Variants in TNRC6A observed in about 807,000 individuals in gnomAD.
TNRC6A encodes trinucleotide repeat containing adaptor 6A.
In TNRC6A, 44 loss-of-function variants were observed where a neutral mutation model predicts 221.2. That is an observed-to-expected ratio of 0.20 (90% confidence interval 0.16 to 0.26). TNRC6A has a LOEUF of 0.26. Ranked by LOEUF, TNRC6A falls within the 10% of genes least tolerant of loss-of-function variation. The probability of loss-of-function intolerance (pLI) is 1.00; values close to 1 mark genes in which losing one functional copy is unlikely to be tolerated. For synonymous variants in TNRC6A, 847 were observed against 838.5 expected (o/e 1.01, Z -0.18); for missense variants, 2,199 against 2,404.4 (o/e 0.91, Z 1.79).
chr16:24,687,224 A>G (rs1299173778), intron 2 of TNRC6A, among the ~76,000 whole-genome samples: 4 of 152,142 alleles, frequency 2.6e-5, no homozygotes, highest in Admixed American at 6.6e-5. Flanking sequence ...AGCTACTTAT[A>G]TAATATCCAT....
intron 1 of TNRC6A, among the ~76,000 whole-genome samples, chr16:24,633,315 T>C (rs1229019268): frequency 1.3e-5 from 2 of 152,220 alleles, no homozygotes; most frequent in Non-Finnish European, 2.9e-5. Flanking sequence ...TAAAGTGCAA[T>C]CTATCACCTT....
At chr16:24,630,818 C>G (rs9931221) in intron 1 of TNRC6A, among the ~76,000 whole-genome samples, 11,716 of 152,232 alleles carry the variant, frequency 0.077, 613 homozygotes, top group Admixed American at 0.16. Flanking sequence ...ACCTAAAACC[C>G]TGGGATTCCC....
rs568839176 is a variant in TNRC6A, at chr16:24,714,348, G to A, written n.403-36378G>A. Reference sequence around the variant, plus strand: ...TTTTGAGATGGAGTCTCACTCTGTCGCCCAGGCTGGAGTGCAGTGGCGCAG... The same window carrying A: ...TTTTGAGATGGAGTCTCACTCTGTCACCCAGGCTGGAGTGCAGTGGCGCAG... On this transcript the variant is annotated intron_variant and non_coding_transcript_variant, in intron 2 of 2. Coordinates refer to the TNRC6A transcript ENST00000566108. Among the ~76,000 whole-genome samples, 202 of 114,588 alleles carry A rather than the reference G, an allele frequency of 1.8e-3. 1 individual carries two copies. Among genetic ancestry groups the A allele is most frequent in the African/African-American group, 4.1e-3 (118 of 28,700 alleles). The allele number at this position is 114,588 out of a possible 152,430, so 75.2% of individuals were successfully genotyped here.
chr16:24,790,307 A>T lies in TNRC6A; in HGVS notation c.1665A>T (p.Val555=). The part of the protein sequence containing the change: ...TVNATLMQPG[V]NGPMGTNFQV... ...ATGCAACTCTAATGCAGCCTGGCGTAAATGGTCCTATGGGCACTAACTTTC... is the reference window on the plus strand; with the variant it reads ...ATGCAACTCTAATGCAGCCTGGCGTTAATGGTCCTATGGGCACTAACTTTC... The change falls in exon 6 of 25, where the codon GTA becomes GTT. Residue 555 remains valine, a synonymous_variant. Coordinates refer to ENST00000395799, the MANE Select transcript of TNRC6A (RefSeq NM_014494.4). 1 of 1,614,242 alleles carries T rather than the reference A, an allele frequency of 6.2e-7. No homozygotes were observed. The highest frequency in any genetic ancestry group is 8.5e-7 in the Non-Finnish European group (1 of 1,180,042).
At chr16:24,724,608 C>T (rs2056462860) in intron 2 of TNRC6A, among the ~76,000 whole-genome samples, 1 of 152,036 alleles carries the variant, frequency 6.6e-6, no homozygotes, top group African/African-American at 2.4e-5. Flanking sequence ...TAGCCAGGTG[C>T]AGTGACTTGC....
At chr16:24,673,550 G>A (rs191764238) in intron 2 of TNRC6A, among the ~76,000 whole-genome samples, 29 of 152,232 alleles carry the variant, frequency 1.9e-4, no homozygotes, top group African/African-American at 7.0e-4. Flanking sequence ...AACTCATTCA[G>A]GAAATTTATT....
intron 11 of TNRC6A, among the ~76,000 whole-genome samples, chr16:24,800,272 A>G (rs1567497587): frequency 6.6e-6 from 1 of 152,214 alleles, no homozygotes; most frequent in Non-Finnish European, 1.5e-5. Flanking sequence ...AATTCTAGTA[A>G]TTGGAGAGAC....
At chr16:24,795,506 A>T (rs1045533296) in intron 8 of TNRC6A, 1 of 173,040 alleles carries the variant, frequency 5.8e-6, no homozygotes, top group Non-Finnish European at 1.2e-5. Context: ...ATCCTAACCC[A>T]CCCTACTTGA....
At chr16:24,773,379 T>TA (rs1254147224) in intron 4 of TNRC6A, among the ~76,000 whole-genome samples, 2 of 152,260 alleles carry the variant, frequency 1.3e-5, no homozygotes, top group Non-Finnish European at 2.9e-5. Flanking sequence ...AAATTTGTGT[T>TA]ATGCAGTTGA....
At chr16:24,715,622 C>CT (rs968701842) in intron 2 of TNRC6A, among the ~76,000 whole-genome samples, 2 of 86,890 alleles carry the variant, frequency 2.3e-5, no homozygotes, top group African/African-American at 8.8e-5. Context: ...TTTTTTTTTT[C>CT]TTTTTTTTTA....
chr16:24,745,434 G>A lies in TNRC6A; in HGVS notation c.54-5292G>A, dbSNP rs1427887478. Among the ~76,000 whole-genome samples the A allele has an allele frequency of 2.0e-5, 3 of 152,318 alleles. No individual in the cohort carries two copies. In the East Asian group the frequency reaches 5.8e-4, roughly 29 times the overall value. ...AGAGGAAGACTGGAAGGAAATAGAAGAAGGTGGGATCTGCATGGGAGAAAG... is the reference window on the plus strand; with the variant it reads ...AGAGGAAGACTGGAAGGAAATAGAAAAAGGTGGGATCTGCATGGGAGAAAG... On this transcript the variant is annotated intron_variant, in intron 2 of 24. Transcript: ENST00000395799.
chr16:24,726,538 A>C (rs548922133), upstream of TNRC6A, among the ~76,000 whole-genome samples: 2 of 152,278 alleles, frequency 1.3e-5, no homozygotes, highest in East Asian at 3.9e-4. Context: ...GCACCCTCAA[A>C]GTCATTTGCG....
chr16:24,761,820 C>T (rs913464458), intron 4 of TNRC6A, among the ~76,000 whole-genome samples: 3 of 152,132 alleles, frequency 2.0e-5, no homozygotes, highest in Admixed American at 6.5e-5. Context: ...CGTGAGCCAC[C>T]GCAGCTGGCT....
chr16:24,638,144 G>A (rs1484599218), intron 1 of TNRC6A, among the ~76,000 whole-genome samples: 2 of 152,312 alleles, frequency 1.3e-5, no homozygotes, highest in East Asian at 1.9e-4. Context: ...GCGGCCAGGC[G>A]CAGTGGCTCG....
Position 24,789,621 on chromosome 16 carries a change from T to C in TNRC6A, c.979T>C (p.Ser327Pro). The change falls in exon 6 of 25, where the codon TCT becomes CCT. Residue 327 changes from serine to proline, a missense_variant. Around this residue, in one of 8 missense-constraint regions of TNRC6A, gnomAD observed 1,405 missense variants for 1,400.2 expected, o/e 1.00. Coordinates refer to ENST00000395799, the MANE Select transcript of TNRC6A (RefSeq NM_014494.4). ...AGCCATAATAAGCACATGTCAGGTC[T>C]CTGTGGATGCTCCTGAAAGCAAATC... ...HGAIISTCQV[S>P]VDAPESKSES... The C allele has an allele frequency of 6.2e-7, 1 of 1,614,140 alleles. No individual in the cohort carries two copies. The highest frequency in any genetic ancestry group is 8.5e-7 in the Non-Finnish European group (1 of 1,180,038).
intron 2 of TNRC6A, among the ~76,000 whole-genome samples, chr16:24,654,793 A>G (rs79650152): frequency 0.015 from 2,312 of 152,318 alleles, 63 homozygotes; most frequent in African/African-American, 0.053. Context: ...ATTTAAAGTA[A>G]ATTTCAGTAA....
chr16:24,773,737 T>A (rs757602841), intron 4 of TNRC6A, among the ~76,000 whole-genome samples: 5 of 152,228 alleles, frequency 3.3e-5, no homozygotes, highest in Non-Finnish European at 5.9e-5. Flanking sequence ...TAGTTGTTTT[T>A]TTTATTATGA....
intron 1 of TNRC6A, among the ~76,000 whole-genome samples, chr16:24,636,567 C>G (rs1193215291): frequency 6.6e-6 from 1 of 152,052 alleles, no homozygotes; most frequent in Non-Finnish European, 1.5e-5. Flanking sequence ...CAGGGTCTCA[C>G]TATGTTGTCC....
intron 5 of TNRC6A, among the ~76,000 whole-genome samples, chr16:24,781,354 C>T (rs922188111): frequency 4.6e-5 from 7 of 151,990 alleles, no homozygotes; most frequent in African/African-American, 7.3e-5. Flanking sequence ...CCACCACACC[C>T]GGCAAAATTC....
Sources: allele counts gnomAD v4.1 joint callset (sites outside exome capture counted in the v4.1 genomes callset), GRCh38; gene constraint gnomAD v4.1.1; regional missense constraint gnomAD v4.1.1; transcripts MANE v1.5; gene names NCBI Gene and HGNC (gene_info 2026-07-23, HGNC 2026-07-21).